The following KCND3 variants were observed in gnomAD, a reference collection of about 807,000 sequenced individuals.
KCND3 encodes the protein A-type voltage-gated potassium channel KCND3.
In KCND3, 9 loss-of-function variants were observed where a neutral mutation model predicts 51.1. The observed-to-expected ratio is 0.18, with a 90% confidence interval of 0.11 to 0.31. The LOEUF is 0.31. KCND3 is among the 10% of genes least tolerant of loss of function. KCND3 has a pLI of 1.00. For synonymous variants in KCND3, 349 were observed against 368.0 expected (o/e 0.95, Z 0.59); for missense variants, 526 against 903.8 (o/e 0.58, Z 5.36).
At chr1:111,971,803 A>C (rs1272725186) in intron 2 of KCND3, among the ~76,000 whole-genome samples, 1 of 152,082 alleles carries the variant, frequency 6.6e-6, no homozygotes, top group Non-Finnish European at 1.5e-5. Context: ...ACCTCTACTC[A>C]TGCCAACTCC....
intron 2 of KCND3, among the ~76,000 whole-genome samples, chr1:111,970,080 G>A (rs1034027639): frequency 1.3e-5 from 2 of 151,338 alleles, no homozygotes; most frequent in African/African-American, 4.9e-5. Flanking sequence ...GCAATGGCGC[G>A]ATCTCAGCTC....
intron 2 of KCND3, among the ~76,000 whole-genome samples, chr1:111,871,004 G>A (rs962980906): frequency 2.6e-5 from 4 of 152,174 alleles, no homozygotes; most frequent in Admixed American, 1.3e-4. Flanking sequence ...AGGAAAGGGC[G>A]GGCTCTAGCT....
At chr1:111,905,325 AT>A (rs1316325449) in intron 2 of KCND3, among the ~76,000 whole-genome samples, 1 of 152,202 alleles carries the variant, frequency 6.6e-6, no homozygotes, top group East Asian at 1.9e-4. Context: ...CAGGGAAATA[AT>A]AAAAACAATA....
chr1:111,898,739 A>G (rs1670244748), intron 2 of KCND3, among the ~76,000 whole-genome samples: 1 of 152,156 alleles, frequency 6.6e-6, no homozygotes, highest in South Asian at 2.1e-4. Context: ...AAGAGGGGAA[A>G]CAGCAGAGAC....
rs114050131 is a variant in KCND3 at position 111,806,319 on chromosome 1, C to T, written c.1107-19213G>A. Reference sequence around the variant, plus strand: ...TGCTTATCGTGGACATGCTCGTGGCCCTCACGGCCCGGCCCTCCCATTCTC... The same window carrying T: ...TGCTTATCGTGGACATGCTCGTGGCTCTCACGGCCCGGCCCTCCCATTCTC... On this transcript the variant is annotated intron_variant, in intron 2 of 7. Transcript: ENST00000302127. Among the ~76,000 whole-genome samples the T allele has an allele frequency of 1.8e-3, 268 of 152,314 alleles. 1 individual carries two copies. Among genetic ancestry groups the T allele is most frequent in the African/African-American group, 5.8e-3 (242 of 41,574 alleles).
At chr1:111,833,996 C>T (rs965167080) in intron 2 of KCND3, among the ~76,000 whole-genome samples, 1 of 152,168 alleles carries the variant, frequency 6.6e-6, no homozygotes, top group Non-Finnish European at 1.5e-5. Context: ...GATCAGTTAT[C>T]CAATCAGGTA....
chr1:111,871,691 G>A (rs1668834182), intron 2 of KCND3, among the ~76,000 whole-genome samples: 2 of 152,176 alleles, frequency 1.3e-5, no homozygotes, highest in Admixed American at 6.5e-5. Flanking sequence ...GGCAGATGAA[G>A]CTTTGAAATT....
chr1:111,966,150 T>C (rs1299528193), intron 2 of KCND3, among the ~76,000 whole-genome samples: 1 of 152,206 alleles, frequency 6.6e-6, no homozygotes, highest in Non-Finnish European at 1.5e-5. Flanking sequence ...GCTCACATCC[T>C]GGAGACAGCC....
chr1:111,973,878 T>C (rs1370033087), intron 2 of KCND3, among the ~76,000 whole-genome samples: 2 of 152,220 alleles, frequency 1.3e-5, no homozygotes, highest in Non-Finnish European at 2.9e-5. Context: ...TCTTACAGCA[T>C]CACATTACAA....
rs934694678 is a variant in KCND3 at position 111,874,623 on chromosome 1, A to G, written c.1107-87517T>C. Among the ~76,000 whole-genome samples, 4 of 152,312 alleles carry G rather than the reference A, an allele frequency of 2.6e-5. No homozygotes were observed. In the East Asian group the frequency reaches 7.7e-4, roughly 29 times the overall value. On this transcript the variant is annotated intron_variant, in intron 2 of 7. Transcript: ENST00000302127. ...ATTTTCCTACTATTTTTTCTTCCCA[A>G]GGAAGTCATCTAAGATGAACTCTGC...
At chr1:111,918,528 C>T (rs1043038387) in intron 2 of KCND3, among the ~76,000 whole-genome samples, 1 of 152,100 alleles carries the variant, frequency 6.6e-6, no homozygotes, top group African/African-American at 2.4e-5. Flanking sequence ...GCAACAGGCA[C>T]ATAGAGACCC....
chr1:111,795,296 T>A (rs1665009019), intron 2 of KCND3, among the ~76,000 whole-genome samples: 1 of 152,174 alleles, frequency 6.6e-6, no homozygotes. Context: ...AAAGATAGGA[T>A]GGCTTTTAGG....
intron 2 of KCND3, among the ~76,000 whole-genome samples, chr1:111,905,283 A>G (rs1670593597): frequency 6.6e-6 from 1 of 152,204 alleles, no homozygotes; most frequent in South Asian, 2.1e-4. Flanking sequence ...GGAGACACTG[A>G]TGGGAGACAC....
intron 2 of KCND3, among the ~76,000 whole-genome samples, chr1:111,855,613 G>T (rs902190366): frequency 2.0e-5 from 3 of 152,146 alleles, no homozygotes; most frequent in Admixed American, 2.0e-4. Flanking sequence ...TATCCTTGGG[G>T]CATAGGTCAG....
chr1:111,838,412 C>T (rs536212245), intron 2 of KCND3, among the ~76,000 whole-genome samples: 3 of 152,260 alleles, frequency 2.0e-5, no homozygotes, highest in South Asian at 2.1e-4. Context: ...CATCCCAGCG[C>T]GTTGGGAGGC....
chr1:111,957,224 TC>T (rs1673384883), intron 2 of KCND3, among the ~76,000 whole-genome samples: 1 of 152,134 alleles, frequency 6.6e-6, no homozygotes, highest in Admixed American at 6.5e-5. Context: ...CAGGAGTGCT[TC>T]CCAACTCCCA....
intron 2 of KCND3, among the ~76,000 whole-genome samples, chr1:111,838,191 GT>G (rs760452592): frequency 6.6e-6 from 1 of 152,200 alleles, no homozygotes; most frequent in Non-Finnish European, 1.5e-5. Flanking sequence ...CTCCTTGAGG[GT>G]GGGACATCTA....
chr1:111,838,047 G>A (rs1020832356), intron 2 of KCND3, among the ~76,000 whole-genome samples: 4 of 152,274 alleles, frequency 2.6e-5, no homozygotes, highest in Admixed American at 6.5e-5. Context: ...CACCTGGGCT[G>A]AGGTCATTTT....
intron 2 of KCND3, among the ~76,000 whole-genome samples, chr1:111,928,802 C>T (rs925172484): frequency 6.6e-6 from 1 of 152,182 alleles, no homozygotes; most frequent in African/African-American, 2.4e-5. Flanking sequence ...TTCCTGGGAG[C>T]AGTGTCACTG....
Sources: allele counts gnomAD v4.1 joint callset (sites outside exome capture counted in the v4.1 genomes callset), GRCh38; gene constraint gnomAD v4.1.1; transcripts MANE v1.5; gene names NCBI Gene and HGNC (gene_info 2026-07-23, HGNC 2026-07-21).